CCDC39: variants seen among roughly 807,000 people sequenced by gnomAD.
The protein encoded by CCDC39 is coiled-coil domain 39 molecular ruler complex subunit, also known as coiled-coil domain-containing protein 39.
CCDC39 carries 113 observed loss-of-function variants against 121.0 expected under a neutral mutation model. The ratio of observed to expected loss-of-function variants is 0.93; its 90% CI spans 0.80 to 1.09. The LOEUF is 1.09. Ranked by LOEUF, CCDC39 falls within the 50% of genes least tolerant of loss-of-function variation. The pLI, the probability that CCDC39 is intolerant of heterozygous loss-of-function variation, is 0.00. For synonymous variants in CCDC39, 349 were observed against 352.2 expected (o/e 0.99, Z 0.10); for missense variants, 1,063 against 1,074.7 (o/e 0.99, Z 0.15).
At chr3:180,655,751 G>A (rs1711563747) in intron 6 of CCDC39, among the ~76,000 whole-genome samples, 1 of 152,052 alleles carries the variant, frequency 6.6e-6, no homozygotes. Flanking sequence ...AGGGTTTAGG[G>A]CCAAATTGTG....
chr3:180,669,393 T>C (rs1711971371), intron 1 of CCDC39, among the ~76,000 whole-genome samples: 1 of 152,170 alleles, frequency 6.6e-6, no homozygotes, highest in African/African-American at 2.4e-5. Flanking sequence ...TCACTGAAAC[T>C]TTCTTGAATA....
At chr3:180,669,883 T>C (rs1711985905) in intron 1 of CCDC39, among the ~76,000 whole-genome samples, 1 of 152,204 alleles carries the variant, frequency 6.6e-6, no homozygotes, top group South Asian at 2.1e-4. Flanking sequence ...TGTTGAGCAC[T>C]GTTAATGAAA....
chr3:180,633,243 C>T (rs1049639407), intron 13 of CCDC39, among the ~76,000 whole-genome samples: 21 of 152,154 alleles, frequency 1.4e-4, no homozygotes, highest in Admixed American at 1.2e-3. Context: ...CCAATATCCA[C>T]CGATTAATAA....
chr3:180,678,960 G>A (rs1156555482), intron 1 of CCDC39, among the ~76,000 whole-genome samples: 1 of 152,010 alleles, frequency 6.6e-6, no homozygotes, highest in African/African-American at 2.4e-5. Context: ...TTTAATTTTT[G>A]AGCAAGGAAA....
At chr3:180,677,214 A>ATATATATT (rs1553807786) in intron 1 of CCDC39, among the ~76,000 whole-genome samples, 3 of 118,438 alleles carry the variant, frequency 2.5e-5, no homozygotes, top group African/African-American at 9.3e-5. Context: ...ATATATATAT[A>ATATATATT]TAAAATCACA....
intron 3 of CCDC39, 21 bp from the exon 4 acceptor site, chr3:180,660,749 G>A (rs1277474679): frequency 6.3e-7 from 1 of 1,583,310 alleles, no homozygotes. Context: ...AAGAGAGAGA[G>A]AAAAGGGGAG....
At chr3:180,663,221 C>T (rs1426631031) in intron 2 of CCDC39, among the ~76,000 whole-genome samples, 3 of 151,854 alleles carry the variant, frequency 2.0e-5, no homozygotes, top group Non-Finnish European at 4.4e-5. Flanking sequence ...TCAAAATGGC[C>T]CCAGTGAGTT....
chr3:180,645,600 TAAA>T (rs1718050351), intron 11 of CCDC39, among the ~76,000 whole-genome samples: 1 of 152,210 alleles, frequency 6.6e-6, no homozygotes, highest in East Asian at 1.9e-4. Flanking sequence ...TTAAATTTGA[TAAA>T]AAGAGCTAAA....
At chr3:180,678,364 C>T (rs1427975877) in intron 1 of CCDC39, among the ~76,000 whole-genome samples, 2 of 152,128 alleles carry the variant, frequency 1.3e-5, no homozygotes, top group East Asian at 3.8e-4. Context: ...TTTTCATTTT[C>T]CTTTTTTAGA....
chr3:180,659,767 T>C lies in CCDC39; in HGVS notation c.519A>G (p.Ala173=). 2 of 1,598,104 alleles carry C rather than the reference T, an allele frequency of 1.3e-6. No individual in the cohort carries two copies. Among genetic ancestry groups the C allele is most frequent in the Non-Finnish European group, 8.6e-7 (1 of 1,167,936 alleles). The change falls in exon 5 of 20, where the codon GCA becomes GCG. Residue 173 remains alanine (A), a splice_region_variant and synonymous_variant. Coordinates refer to ENST00000476379, the MANE Select transcript of CCDC39 (RefSeq NM_181426.2). ...TTAGTCTTTCTAATTGCAGAGTCAG[T>C]GCCTATGATGTAATTATATACAGAT... ...YAQQDDNKIR[A]LTLQLERLTL...
chr3:180,666,248 C>T (rs1434106668), intron 1 of CCDC39, among the ~76,000 whole-genome samples: 1 of 152,146 alleles, frequency 6.6e-6, no homozygotes, highest in Non-Finnish European at 1.5e-5. Context: ...GGGTTATTCA[C>T]TTAGCATAAT....
intron 14 of CCDC39, among the ~76,000 whole-genome samples, chr3:180,625,461 T>C (rs1717537257): frequency 6.6e-6 from 1 of 152,128 alleles, no homozygotes; most frequent in South Asian, 2.1e-4. Context: ...ATTGAGCTTC[T>C]ATCAATATTT....
intron 1 of CCDC39, among the ~76,000 whole-genome samples, chr3:180,667,406 T>A (rs558096324): frequency 7.9e-5 from 12 of 152,316 alleles, no homozygotes; most frequent in Non-Finnish European, 1.6e-4. Context: ...AGCAAGTCTA[T>A]TAGCATCATT....
At chr3:180,649,203 C>T (rs554522734) in intron 9 of CCDC39, among the ~76,000 whole-genome samples, 1 of 152,226 alleles carries the variant, frequency 6.6e-6, no homozygotes, top group South Asian at 2.1e-4. Flanking sequence ...TCTTTGCCTC[C>T]AGTTGGCCTC....
chr3:180,651,645 G>T, intron 8 of CCDC39, 112 bp from the exon 9 acceptor site: 1 of 1,021,900 alleles, frequency 9.8e-7, no homozygotes, highest in Non-Finnish European at 1.3e-6. Context: ...GGTTTTTTGC[G>T]TAAACCTTTT....
At chr3:180,662,068 A>G in intron 2 of CCDC39, 61 bp from the exon 3 acceptor site, 1 of 1,429,010 alleles carries the variant, frequency 7.0e-7, no homozygotes, top group Non-Finnish European at 9.4e-7. Flanking sequence ...GAATACAAAT[A>G]TTTATAATAA....
intron 16 of CCDC39, among the ~76,000 whole-genome samples, chr3:180,618,557 C>A (rs1284041224): frequency 6.6e-6 from 1 of 152,054 alleles, no homozygotes. Context: ...TCCCTTCCCC[C>A]TCTCCCCACC....
chr3:180,641,145 T>C (rs1717944085), intron 13 of CCDC39, among the ~76,000 whole-genome samples: 1 of 152,096 alleles, frequency 6.6e-6, no homozygotes, highest in Non-Finnish European at 1.5e-5. Flanking sequence ...TCAATATGAT[T>C]AAACACAACA....
intron 1 of CCDC39, among the ~76,000 whole-genome samples, chr3:180,672,984 G>A (rs1475637444): frequency 3.3e-5 from 5 of 152,202 alleles, no homozygotes; most frequent in South Asian, 2.1e-4. Context: ...GGAAGTAACT[G>A]CAGATAAGGT....
Sources: gnomAD v4.1 joint callset for allele counts (sites outside exome capture counted in the v4.1 genomes callset) on GRCh38, gnomAD v4.1.1 for gene constraint, MANE v1.5 for transcripts, NCBI Gene and HGNC (gene_info 2026-07-23, HGNC 2026-07-21) for gene names.